FAM53A: variants seen among roughly 807,000 people sequenced by gnomAD.
The protein encoded by FAM53A is family with sequence similarity 53 member A.
FAM53A carries 28 observed loss-of-function variants against 26.6 expected under a neutral mutation model. The ratio of observed to expected loss-of-function variants is 1.05; its 90% confidence interval spans 0.78 to 1.45. The LOEUF (loss-of-function observed/expected upper bound fraction) is 1.45. Ranked by LOEUF, FAM53A falls within the 40% of genes most tolerant of loss-of-function variation. FAM53A has a pLI of 0.00. For missense variants in FAM53A, 650 were observed against 575.8 expected (o/e 1.13, Z -1.32); for synonymous variants, 290 against 253.1 (o/e 1.15, Z -1.38).
At chr4:1,625,113 C>CA (rs1715228688) in intron 1 of FAM53A, among the ~76,000 whole-genome samples, 1 of 91,218 alleles carries the variant, frequency 1.1e-5, no homozygotes, top group African/African-American at 6.7e-5. Flanking sequence ...CCCCACGTCC[C>CA]GACCCACGTG....
At chr4:1,598,962 C>G in the FAM53A span, among the ~76,000 whole-genome samples, 3 of 152,262 alleles carry the variant, frequency 2.0e-5, no homozygotes, top group Admixed American at 6.5e-5. Context: ...CATCAGTTAT[C>G]TTTCTCTCTC....
intron 3 of FAM53A, among the ~76,000 whole-genome samples, chr4:1,656,761 C>T (rs1229354784): frequency 6.6e-6 from 1 of 152,192 alleles, no homozygotes; most frequent in African/African-American, 2.4e-5. Context: ...CTTTGGTCAT[C>T]TGGCGCTCAG....
chr4:1,669,428 G>A (rs1020484419), intron 1 of FAM53A, among the ~76,000 whole-genome samples: 5 of 152,220 alleles, frequency 3.3e-5, no homozygotes, highest in African/African-American at 1.2e-4. Flanking sequence ...GAGGAAGGGC[G>A]AGGGCTCAGG....
chr4:1,626,239 A>C (rs1248210416), intron 1 of FAM53A, among the ~76,000 whole-genome samples: 2 of 152,062 alleles, frequency 1.3e-5, no homozygotes, highest in African/African-American at 4.8e-5. Flanking sequence ...GCCGGACCTT[A>C]CCCCAAGCTG....
intron 1 of FAM53A, among the ~76,000 whole-genome samples, chr4:1,626,197 C>T (rs940372591): frequency 1.3e-5 from 2 of 152,154 alleles, no homozygotes; most frequent in Non-Finnish European, 2.9e-5. Context: ...AAGCCAGGGG[C>T]GGTTGGCCCA....
At chr4:1,662,100 G>A (rs889030202) in intron 2 of FAM53A, among the ~76,000 whole-genome samples, 4 of 151,836 alleles carry the variant, frequency 2.6e-5, no homozygotes, top group Non-Finnish European at 4.4e-5. Flanking sequence ...AGGCTGAGGC[G>A]GGAGGACCCA....
chr4:1,621,992 G>C (rs75156914), intron 1 of FAM53A, among the ~76,000 whole-genome samples: 3,894 of 152,288 alleles, frequency 0.026, 143 homozygotes, highest in African/African-American at 0.072. Context: ...CTTGGGAACG[G>C]GGCACATATT....
chr4:1,610,678 G>A, the FAM53A span, among the ~76,000 whole-genome samples: 3 of 152,088 alleles, frequency 2.0e-5, no homozygotes, highest in Non-Finnish European at 2.9e-5. Flanking sequence ...GGGGGACAGA[G>A]GCCTGGGCAC....
intron 3 of FAM53A, among the ~76,000 whole-genome samples, chr4:1,657,027 G>A (rs769734889): frequency 2.4e-4 from 36 of 152,188 alleles, no homozygotes; most frequent in Non-Finnish European, 4.3e-4. Context: ...TGGGTGGGCC[G>A]CCCAGTATGC....
chr4:1,660,492 G>A (rs1713746917), intron 2 of FAM53A, among the ~76,000 whole-genome samples: 1 of 151,860 alleles, frequency 6.6e-6, no homozygotes, highest in African/African-American at 2.4e-5. Context: ...AAGAGGCTGA[G>A]GTGGGAGGAT....
rs1713176859 is a variant in FAM53A at position 1,654,892 on chromosome 4, C to T, written c.882+86G>A. 17 of 1,440,974 alleles carry T rather than the reference C, an allele frequency of 1.2e-5. No individual in the cohort carries two copies. In the South Asian group the frequency reaches 2.7e-4, roughly 23 times the overall value. 89.3% of individuals were successfully genotyped at this position (1,440,974 alleles called of 1,614,324 possible). On this transcript the variant is annotated intron_variant, in intron 4 of 4. Coordinates refer to ENST00000308132, the MANE Select transcript of FAM53A (RefSeq NM_001174070.3). ...AAGACCAGCCGGATGCTAACAGCCA[C>T]ATCCAGAGAATCAGCCAGCCTCACC...
intron 1 of FAM53A, among the ~76,000 whole-genome samples, chr4:1,620,036 C>T (rs895693723): frequency 2.0e-5 from 3 of 151,890 alleles, no homozygotes; most frequent in Non-Finnish European, 4.4e-5. Flanking sequence ...GGTGAAACCC[C>T]GTCTCTACTA....
chr4:1,586,183 G>T, the FAM53A span, among the ~76,000 whole-genome samples: 2 of 151,952 alleles, frequency 1.3e-5, no homozygotes, highest in Non-Finnish European at 2.9e-5. Context: ...GGTCTCTCTT[G>T]GTGAGACTGA....
chr4:1,619,716 T>C (rs905733660), intron 1 of FAM53A, among the ~76,000 whole-genome samples: 1 of 152,144 alleles, frequency 6.6e-6, no homozygotes, highest in African/African-American at 2.4e-5. Context: ...AGTTCTGCTG[T>C]GCATTGGAGC....
chr4:1,622,322 C>G (rs889372297), intron 1 of FAM53A, among the ~76,000 whole-genome samples: 5 of 152,230 alleles, frequency 3.3e-5, no homozygotes, highest in Admixed American at 6.5e-5. Context: ...AAGGCGGCTG[C>G]TTCCCTAGGA....
intron 4 of FAM53A, among the ~76,000 whole-genome samples, chr4:1,650,841 G>A (rs1214629225): frequency 6.6e-6 from 1 of 151,822 alleles, no homozygotes. Flanking sequence ...GAAGCTGCTG[G>A]ATTCAGGCTT....
intron 1 of FAM53A, among the ~76,000 whole-genome samples, chr4:1,682,522 A>T (rs1433110100): frequency 6.6e-6 from 1 of 152,092 alleles, no homozygotes; most frequent in Non-Finnish European, 1.5e-5. Context: ...CGGCCTCTCA[A>T]AGTGCTGGGA....
intron 3 of FAM53A, 121 bp from the exon 4 acceptor site, chr4:1,655,844 T>A: frequency 1.7e-6 from 2 of 1,207,710 alleles, no homozygotes. Context: ...CCGCCACCCC[T>A]GGGCGTGCTT....
chr4:1,683,197 T>C (rs924245000), intron 1 of FAM53A, among the ~76,000 whole-genome samples: 2 of 152,220 alleles, frequency 1.3e-5, no homozygotes, highest in Non-Finnish European at 2.9e-5. Flanking sequence ...TTCTAAACAA[T>C]GTCAGTTTCC....
Sources: allele counts gnomAD v4.1 joint callset (sites outside exome capture counted in the v4.1 genomes callset), GRCh38; gene constraint gnomAD v4.1.1; transcripts MANE v1.5; gene names NCBI Gene and HGNC (gene_info 2026-07-23, HGNC 2026-07-21).